The following ARHGEF7 variants were observed in gnomAD, a reference collection of about 807,000 sequenced individuals.
The protein encoded by ARHGEF7 is PAK-interacting exchange factor beta.
In ARHGEF7, 33 loss-of-function variants were observed where a neutral mutation model predicts 109.8. That is an observed-to-expected ratio of 0.30 (90% CI 0.23 to 0.40). The LOEUF (loss-of-function observed/expected upper bound fraction) is 0.40, where lower values mean the gene tolerates loss of function less well. Among genes scored for constraint, ARHGEF7 ranks in the 10% least tolerant of loss-of-function variants. ARHGEF7 has a pLI of 1.00. For missense variants in ARHGEF7, 938 were observed against 1,098.5 expected (o/e 0.85, Z 2.07); for synonymous variants, 458 against 424.6 (o/e 1.08, Z -0.97).
chr13:111,123,068 G>A (rs1181420452), intron 1 of ARHGEF7, among the ~76,000 whole-genome samples: 10 of 152,224 alleles, frequency 6.6e-5, no homozygotes, highest in Non-Finnish European at 1.5e-4. Context: ...CCCTGGCAAA[G>A]TGACCTTGTA....
chr13:111,159,369 A>C lies in ARHGEF7; in HGVS notation c.252+5378A>C, dbSNP rs184554636. Among the ~76,000 whole-genome samples the C allele has an allele frequency of 5.3e-5, 8 of 152,334 alleles. No homozygotes were observed. In the East Asian group the frequency reaches 1.3e-3, roughly 26 times the overall value. On this transcript the variant is annotated intron_variant, in intron 2 of 21. Coordinates refer to ENST00000646102, the MANE Select transcript of ARHGEF7 (RefSeq NM_001354046.2). ...ATGGGAGTGCAGACATCTCTTCAAC[A>C]TACTGATTTTAGTTTCTTTGGCTAT...
intron 1 of ARHGEF7, among the ~76,000 whole-genome samples, chr13:111,132,937 T>C (rs996441191): frequency 1.3e-5 from 2 of 151,954 alleles, no homozygotes; most frequent in Non-Finnish European, 2.9e-5. Context: ...CACACATAAG[T>C]ACACACACAT....
In ARHGEF7 at chr13:111,153,745, G is replaced by A. The variant is rs988170577; in HGVS notation, c.166-160G>A. ...GGGTGAGGAGAAGCAGCGGCTGAGC[G>A]GGTTGGCATCTGGGGCAGCGGGCTC... On this transcript the variant is annotated intron_variant, in intron 1 of 21. Coordinates refer to ENST00000646102, the MANE Select transcript of ARHGEF7 (RefSeq NM_001354046.2). The A allele has an allele frequency of 8.9e-6, 12 of 1,340,802 alleles. No individual in the cohort carries two copies. The East Asian group carries it at 2.9e-4, about 32-fold the overall frequency. The allele number at this position is 1,340,802 out of a possible 1,614,324, so 83.1% of individuals were successfully genotyped here.
At chr13:111,152,338 T>C (rs974281365) in intron 1 of ARHGEF7, among the ~76,000 whole-genome samples, 4 of 152,244 alleles carry the variant, frequency 2.6e-5, no homozygotes, top group African/African-American at 7.2e-5. Context: ...TTTACAACTA[T>C]TTAAAACTAT....
chr13:111,197,644 A>T (rs1172534077), intron 2 of ARHGEF7, among the ~76,000 whole-genome samples: 2 of 152,204 alleles, frequency 1.3e-5, no homozygotes, highest in African/African-American at 4.8e-5. Context: ...AATAGGAAGG[A>T]TACAATTTCT....
At chr13:111,178,926 A>G (rs1476551689) in intron 2 of ARHGEF7, among the ~76,000 whole-genome samples, 1 of 152,054 alleles carries the variant, frequency 6.6e-6, no homozygotes, top group Non-Finnish European at 1.5e-5. Flanking sequence ...ACGGATGGTG[A>G]GCGGATGCTA....
At chr13:111,299,959 C>T (rs2093526278) in intron 19 of ARHGEF7, among the ~76,000 whole-genome samples, 1 of 152,178 alleles carries the variant, frequency 6.6e-6, no homozygotes, top group Non-Finnish European at 1.5e-5. Flanking sequence ...ATAAATGGTA[C>T]ACGTTGTACC....
Position 111,294,897 on chromosome 13 carries a change from A to G in ARHGEF7, c.2311+2603A>G, listed in dbSNP as rs79750197. On this transcript the variant is annotated intron_variant, in intron 19 of 21. Transcript: ENST00000646102. ...TTGAAATAACGCTTGCCACAAGTATATAATAAGCTATATTAATTGTGTTTT... is the reference window on the plus strand; with the variant it reads ...TTGAAATAACGCTTGCCACAAGTATGTAATAAGCTATATTAATTGTGTTTT... 4,743 of 985,840 alleles carry G rather than the reference A, an allele frequency of 4.8e-3. 197 individuals are homozygous for G. The African/African-American group carries it at 0.078, about 16-fold the overall frequency. The allele number at this position is 985,840 out of a possible 1,614,324, so 61.1% of individuals were successfully genotyped here.
Position 111,187,761 on chromosome 13 carries a change from C to T in ARHGEF7, c.253-17528C>T, listed in dbSNP as rs548263220. ...TCGGGGTATCAGTAGGGGAGCCTTT[C>T]GAATCCCAAACATTGGAGTGTCCTT... On this transcript the variant is annotated intron_variant, in intron 2 of 21. Coordinates refer to ENST00000646102, the MANE Select transcript of ARHGEF7 (RefSeq NM_001354046.2). 1.3e-4 allele frequency among the ~76,000 whole-genome samples: 20 copies of T among 152,254 alleles called. No homozygotes were observed. The South Asian group carries it at 2.7e-3, about 20-fold the overall frequency.
rs112172004 is a variant in ARHGEF7 at position 111,244,120 on chromosome 13, T to G, written c.855-79T>G. 18 of 1,266,422 alleles carry G rather than the reference T, an allele frequency of 1.4e-5. No homozygotes were observed. In the African/African-American group the frequency reaches 1.5e-4, roughly 11 times the overall value. The allele number at this position is 1,266,422 out of a possible 1,614,324, so 78.4% of individuals were successfully genotyped here. On this transcript the variant is annotated intron_variant, in intron 7 of 21. Transcript: ENST00000646102. ...GCTGTTTATTAGGTTAAGACTTCAA[T>G]AGGACATTGGGATGGCAAAGGAGAA...
intron 2 of ARHGEF7, among the ~76,000 whole-genome samples, chr13:111,203,490 C>A (rs1320764814): frequency 6.6e-6 from 1 of 152,166 alleles, no homozygotes; most frequent in African/African-American, 2.4e-5. Flanking sequence ...AAGGATTTAG[C>A]TTCATGAAAT....
At position 111,235,659 on chromosome 13, in the gene ARHGEF7, C is replaced by T. The variant is rs576452034; in HGVS notation, c.759+2366C>T. Among the ~76,000 whole-genome samples the T allele has an allele frequency of 3.2e-3, 494 of 152,278 alleles. 3 individuals are homozygous for T. The highest frequency in any genetic ancestry group is 0.014 in the Middle Eastern group (4 of 294). On this transcript the variant is annotated intron_variant, in intron 6 of 21. Coordinates refer to ENST00000646102, the MANE Select transcript of ARHGEF7 (RefSeq NM_001354046.2). ...GAAAACAGAAGCTAAATGCCTTGTC[C>T]AAGGTTATACACTGGTTACTAAGCC...
At chr13:111,267,405 G>A in intron 8 of ARHGEF7, 143 bp from the exon 9 acceptor site, 1 of 1,073,084 alleles carries the variant, frequency 9.3e-7, no homozygotes, top group Non-Finnish European at 1.3e-6. Flanking sequence ...AGCAACACAT[G>A]TGTGCTGGGA....
intron 5 of ARHGEF7, among the ~76,000 whole-genome samples, chr13:111,221,417 CTATAT>C (rs2084112964): frequency 4.0e-4 from 1 of 2,492 alleles, no homozygotes; most frequent in African/African-American, 7.3e-4. Flanking sequence ...ATATAGATGT[CTATAT>C]ATCTATATAT....
rs2085606809 is a variant in ARHGEF7, at chr13:111,228,917, A to C, written c.671-4288A>C. On this transcript the variant is annotated intron_variant, in intron 5 of 21. Transcript: ENST00000646102. This position sits in a 1 kb window ranked among gnomAD's most constrained non-coding sequence, Gnocchi z 4.6. ...TTTGCTGGGTTGGTGACACGTCACA[A>C]ATGAAAGCGTAACCACTGAAACAGA... 6.6e-6 allele frequency among the ~76,000 whole-genome samples: 1 copy of C among 152,062 alleles called. No individual in the cohort carries two copies. Among genetic ancestry groups the C allele is most frequent in the Non-Finnish European group, 1.5e-5 (1 of 68,016 alleles).
chr13:111,153,413 T>C (rs1285209176), intron 1 of ARHGEF7, among the ~76,000 whole-genome samples: 1 of 151,998 alleles, frequency 6.6e-6, no homozygotes, highest in Non-Finnish European at 1.5e-5. Context: ...CCGGGCCTTG[T>C]CGGCTGCGTC....
At chr13:111,171,838 G>A (rs1447668067) in intron 2 of ARHGEF7, among the ~76,000 whole-genome samples, 1 of 151,942 alleles carries the variant, frequency 6.6e-6, no homozygotes, top group Non-Finnish European at 1.5e-5. Flanking sequence ...CTAGGCTCAT[G>A]AATGGGGTTA....
At chr13:111,159,850 C>G (rs1430810541) in intron 2 of ARHGEF7, among the ~76,000 whole-genome samples, 1 of 152,048 alleles carries the variant, frequency 6.6e-6, no homozygotes, top group Non-Finnish European at 1.5e-5. Flanking sequence ...ATAATCTTTT[C>G]AGTTTGATGA....
intron 1 of ARHGEF7, chr13:111,153,635 T>G (rs1459330403): frequency 8.4e-7 from 1 of 1,187,120 alleles, no homozygotes. Flanking sequence ...GGGGGCGCGG[T>G]CTGAGGACGT....
Sources: allele counts gnomAD v4.1 joint callset (sites outside exome capture counted in the v4.1 genomes callset), GRCh38; gene constraint gnomAD v4.1.1; non-coding constraint Gnocchi (gnomAD v3.1); transcripts MANE v1.5; gene names NCBI Gene and HGNC (gene_info 2026-07-23, HGNC 2026-07-21).